GTF2A1L: variants seen among roughly 807,000 people sequenced by gnomAD.
GTF2A1L encodes the protein general transcription factor IIA subunit 1 like.
In GTF2A1L, 48 loss-of-function variants were observed where a neutral mutation model predicts 49.7. The ratio of observed to expected loss-of-function variants is 0.97; its 90% CI spans 0.77 to 1.23. The LOEUF (loss-of-function observed/expected upper bound fraction) is 1.23, where lower values mean the gene tolerates loss of function less well. Among genes scored for constraint, GTF2A1L ranks in the 50% most tolerant of loss-of-function variants. The pLI, the probability that GTF2A1L is intolerant of heterozygous loss-of-function variation, is 0.00. For missense variants in GTF2A1L, 736 were observed against 564.8 expected, an observed-to-expected ratio of 1.30 and a Z score of -3.07; for synonymous variants, 246 against 193.5, an observed-to-expected ratio of 1.27 and a Z score of -2.25.
intron 8 of GTF2A1L, 86 bp downstream of exon 8, chr2:48,671,766 A>T: frequency 5.5e-6 from 7 of 1,265,332 alleles, no homozygotes; most frequent in Non-Finnish European, 7.8e-6. Flanking sequence ...TAAGATGAAG[A>T]GTTACACTTC....
chr2:48,625,914 T>C (rs1676265091), intron 3 of GTF2A1L, among the ~76,000 whole-genome samples: 1 of 144,062 alleles, frequency 6.9e-6, no homozygotes, highest in Non-Finnish European at 1.6e-5. Flanking sequence ...CCCGAGCTTT[T>C]GGTGTGATAT....
intron 5 of GTF2A1L, among the ~76,000 whole-genome samples, chr2:48,645,642 C>A (rs1055533879): frequency 2.6e-5 from 4 of 152,136 alleles, no homozygotes; most frequent in African/African-American, 7.2e-5. Flanking sequence ...CCTAACTCAA[C>A]ACTCAAAAAT....
intron 6 of GTF2A1L, among the ~76,000 whole-genome samples, chr2:48,658,521 G>T (rs1678306064): frequency 6.6e-6 from 1 of 152,156 alleles, no homozygotes; most frequent in Non-Finnish European, 1.5e-5. Context: ...AATATGGGTT[G>T]AAGTTAGGTA....
intron 5 of GTF2A1L, among the ~76,000 whole-genome samples, chr2:48,645,457 G>A (rs1340364335): frequency 1.3e-5 from 2 of 151,990 alleles, no homozygotes; most frequent in Admixed American, 6.6e-5. Context: ...CTCTAATTAC[G>A]GATTAAAGAT....
chr2:48,673,015 C>A (rs1186797259), intron 8 of GTF2A1L, among the ~76,000 whole-genome samples: 2 of 152,094 alleles, frequency 1.3e-5, no homozygotes, highest in African/African-American at 2.4e-5. Flanking sequence ...TTTTCCTATT[C>A]TGGAATTTCA....
chr2:48,670,585 A>G (rs1428770785), intron 7 of GTF2A1L, among the ~76,000 whole-genome samples: 1 of 152,166 alleles, frequency 6.6e-6, no homozygotes, highest in African/African-American at 2.4e-5. Flanking sequence ...TAAATGTCAT[A>G]AAATCCAGGT....
chr2:48,664,114 C>T (rs972380793), intron 6 of GTF2A1L, among the ~76,000 whole-genome samples: 1 of 151,872 alleles, frequency 6.6e-6, no homozygotes, highest in Non-Finnish European at 1.5e-5. Context: ...TATTTCTTCC[C>T]AGAGTGTTTT....
chr2:48,633,668 T>C (rs986249548), intron 3 of GTF2A1L, among the ~76,000 whole-genome samples: 1 of 152,220 alleles, frequency 6.6e-6, no homozygotes, highest in Admixed American at 6.5e-5. Context: ...TGGTCAAGTT[T>C]AAATTCATAA....
chr2:48,649,435 C>G (rs6741755), intron 6 of GTF2A1L, among the ~76,000 whole-genome samples: 7,154 of 152,132 alleles, frequency 0.047, 553 homozygotes, highest in African/African-American at 0.16. Context: ...ACCTCTTACT[C>G]TGCTCCTGCC....
intron 6 of GTF2A1L, among the ~76,000 whole-genome samples, chr2:48,664,273 G>T (rs1678690067): frequency 6.6e-6 from 1 of 150,430 alleles, no homozygotes. Context: ...ATTTTTTTTT[G>T]TAGATATCCT....
chr2:48,676,624 G>A (rs533446865), intron 8 of GTF2A1L, among the ~76,000 whole-genome samples: 5 of 151,590 alleles, frequency 3.3e-5, no homozygotes, highest in Non-Finnish European at 7.4e-5. Flanking sequence ...TGAGCTTTTT[G>A]TTATACACAG....
chr2:48,649,362 C>A (rs1367180865), intron 6 of GTF2A1L, among the ~76,000 whole-genome samples: 20 of 152,172 alleles, frequency 1.3e-4, no homozygotes, highest in Non-Finnish European at 5.9e-5. Context: ...AGTGCCATTG[C>A]CCTAATTGTT....
At chr2:48,649,710 C>T (rs1677738139) in intron 6 of GTF2A1L, among the ~76,000 whole-genome samples, 1 of 152,180 alleles carries the variant, frequency 6.6e-6, no homozygotes, top group African/African-American at 2.4e-5. Flanking sequence ...CCAAATGCAG[C>T]CTGGTTGTGT....
chr2:48,669,202 C>T (rs754289822), intron 6 of GTF2A1L, among the ~76,000 whole-genome samples: 1 of 152,162 alleles, frequency 6.6e-6, no homozygotes. Context: ...CTTCATATCC[C>T]CTAGTAACCT....
intron 3 of GTF2A1L, among the ~76,000 whole-genome samples, chr2:48,635,403 C>T (rs570222832): frequency 5.3e-5 from 8 of 152,094 alleles, no homozygotes; most frequent in South Asian, 4.2e-4. Context: ...CTGCTGGTCA[C>T]GCAAGCAGGT....
In GTF2A1L at chr2:48,646,984, A is replaced by G; in HGVS notation, c.920A>G (p.Asp307Gly). 6.2e-7 allele frequency: 1 copy of G among 1,614,096 alleles called. No homozygotes were observed. The highest frequency in any genetic ancestry group is 8.5e-7 in the Non-Finnish European group (1 of 1,180,002). ...CTTAAAAATAGGATGTATGGATGTG[A>G]TTCTGTAAAGCAACCAAGAAATATA... is the stretch of plus-strand genomic sequence containing the variant. ...HILKNRMYGC[D>G]SVKQPRNIEE... The change falls in exon 6 of 9, where the codon GAT (aspartate) becomes GGT (glycine). Residue 307 changes from aspartate (D) to glycine (G), a missense_variant. By Grantham distance (94) the Asp-to-Gly change is moderately conservative (BLOSUM62 -1). Transcript: ENST00000403751.
At chr2:48,652,967 C>T (rs1424960375) in intron 6 of GTF2A1L, among the ~76,000 whole-genome samples, 1 of 151,816 alleles carries the variant, frequency 6.6e-6, no homozygotes, top group African/African-American at 2.4e-5. Context: ...CGGTGGCTCA[C>T]GCCTGTAATC....
At position 48,631,797 on chromosome 2, in the gene GTF2A1L, C is replaced by T. The variant is rs75077011; in HGVS notation, c.247+10507C>T. Among the ~76,000 whole-genome samples the T allele has an allele frequency of 6.9e-3, 1,050 of 152,216 alleles. 22 individuals are homozygous for T. Among genetic ancestry groups the T allele is most frequent in the African/African-American group, 0.024 (977 of 41,536 alleles). ...AACTTTTTGTGGTAGGCATTTAGTA[C>T]TATACAGTTTCCTCTTAATACTGCT... On this transcript the variant is annotated intron_variant, in intron 3 of 8. Transcript: ENST00000403751.
intron 3 of GTF2A1L, among the ~76,000 whole-genome samples, chr2:48,622,125 GGAAAATTCACAT>G (rs1676035360): frequency 6.6e-6 from 1 of 152,098 alleles, no homozygotes; most frequent in African/African-American, 2.4e-5. Context: ...TGCATGCTTG[GGAAAATTCACAT>G]GAAAATTACA....
Sources: gnomAD v4.1 joint callset for allele counts (sites outside exome capture counted in the v4.1 genomes callset) on GRCh38, gnomAD v4.1.1 for gene constraint, MANE v1.5 for transcripts, NCBI Gene and HGNC (gene_info 2026-07-23, HGNC 2026-07-21) for gene names.